OCA2: variants seen among roughly 807,000 people sequenced by gnomAD.
OCA2 encodes the protein P protein.
Under a neutral mutation model 100.2 loss-of-function variants are expected in OCA2, and 77 were observed. The observed-to-expected ratio is 0.77, with a 90% CI of 0.64 to 0.93. OCA2 has a LOEUF of 0.93. Among genes scored for constraint, OCA2 ranks in the 40% least tolerant of loss-of-function variants. The pLI is 0.00. For missense variants in OCA2, 1,062 were observed against 1,089.1 expected, an observed-to-expected ratio of 0.98 and a Z score of 0.35; for synonymous variants, 432 against 439.2, an observed-to-expected ratio of 0.98 and a Z score of 0.21.
intron 2 of OCA2, among the ~76,000 whole-genome samples, chr15:28,049,720 C>T (rs994204967): frequency 6.6e-6 from 1 of 152,122 alleles, no homozygotes; most frequent in African/African-American, 2.4e-5. Flanking sequence ...AGGACAAATG[C>T]TGCATGAGTT....
chr15:28,095,653 G>A (rs2044962644), intron 1 of OCA2, among the ~76,000 whole-genome samples: 1 of 151,574 alleles, frequency 6.6e-6, no homozygotes, highest in Non-Finnish European at 1.5e-5. Flanking sequence ...GGAGGTGGAG[G>A]TGACGGTGAG....
the OCA2 span, among the ~76,000 whole-genome samples, chr15:27,733,915 A>C: frequency 6.6e-6 from 1 of 151,968 alleles, no homozygotes; most frequent in Non-Finnish European, 1.5e-5. Flanking sequence ...TAATCCCAGC[A>C]CTTTGAGAGG....
chr15:27,990,449 C>T, intron 10 of OCA2, 127 bp downstream of exon 10: 1 of 943,716 alleles, frequency 1.1e-6, no homozygotes, highest in Non-Finnish European at 1.7e-6. Context: ...TAGCATGGTT[C>T]TTGGGCAAAA....
At chr15:27,775,916 T>C (rs1300424341) in intron 23 of OCA2, among the ~76,000 whole-genome samples, 1 of 152,232 alleles carries the variant, frequency 6.6e-6, no homozygotes, top group Admixed American at 6.5e-5. Flanking sequence ...CACAGTCACA[T>C]TCTGAGGTGC....
chr15:27,962,805 C>T (rs1020845183), intron 15 of OCA2, among the ~76,000 whole-genome samples: 4 of 152,058 alleles, frequency 2.6e-5, no homozygotes, highest in Admixed American at 6.5e-5. Context: ...TAAATTCAAT[C>T]GCATCACTAA....
chr15:27,876,227 AT>A (rs1192858413), intron 19 of OCA2, among the ~76,000 whole-genome samples: 5 of 152,208 alleles, frequency 3.3e-5, no homozygotes, highest in African/African-American at 1.2e-4. Context: ...AAATGATCAT[AT>A]GGTTTTTCTC....
rs551939130 is a variant in OCA2 at position 28,011,037 on chromosome 15, C to T, written c.1044+3739G>A. Reference sequence around the variant, plus strand: ...CAGAGAGATACCCCACAAATATGTCCGATTAATTTTTAACCAAGGAGCAAA... The same window carrying T: ...CAGAGAGATACCCCACAAATATGTCTGATTAATTTTTAACCAAGGAGCAAA... On this transcript the variant is annotated intron_variant, in intron 9 of 23. Transcript: ENST00000354638. Among the ~76,000 whole-genome samples the T allele has an allele frequency of 6.6e-5, 10 of 152,248 alleles. No individual in the cohort carries two copies. In the South Asian group the frequency reaches 1.5e-3, roughly 22 times the overall value.
At chr15:27,952,396 C>T (rs1484911536) in intron 17 of OCA2, among the ~76,000 whole-genome samples, 2 of 152,336 alleles carry the variant, frequency 1.3e-5, no homozygotes, top group East Asian at 3.9e-4. Context: ...GGAGGGCAGG[C>T]CCCGAGGCAC....
chr15:27,909,927 C>T (rs1010624580), intron 19 of OCA2, among the ~76,000 whole-genome samples: 5 of 151,914 alleles, frequency 3.3e-5, no homozygotes, highest in Admixed American at 6.6e-5. Context: ...TATAAAAAGT[C>T]ACAAAACAAC....
chr15:28,062,909 T>C (rs2043918196), intron 2 of OCA2, among the ~76,000 whole-genome samples: 1 of 152,218 alleles, frequency 6.6e-6, no homozygotes, highest in Non-Finnish European at 1.5e-5. Flanking sequence ...CTTTCATTAA[T>C]CTGTATGTCT....
rs1434496320 is a variant in OCA2, at chr15:27,784,954, AATG to A, written c.2433-29485_2433-29483del. The stretch of plus-strand genomic sequence containing the variant: ...AAATAGCCAAGAATTTGTCAAAATT[AATG>A]ATATCAAACCACAAATCTAAATAGC... On this transcript the variant is annotated intron_variant, in intron 23 of 23. Coordinates refer to ENST00000354638, the MANE Select transcript of OCA2 (RefSeq NM_000275.3). Among the ~76,000 whole-genome samples, 5 of 152,206 alleles carry A rather than the reference AATG, an allele frequency of 3.3e-5. 1 individual carries two copies. The highest frequency in any genetic ancestry group is 2.6e-4 in the Admixed American group (4 of 15,268).
chr15:27,852,944 G>A (rs1333147488), intron 21 of OCA2, among the ~76,000 whole-genome samples: 1 of 79,710 alleles, frequency 1.3e-5, no homozygotes, highest in East Asian at 3.5e-4. Context: ...AGAGGATGTG[G>A]AGAAATAGGA....
chr15:27,895,677 C>A, intron 19 of OCA2: 1 of 195,142 alleles, frequency 5.1e-6, no homozygotes, highest in Non-Finnish European at 1.1e-5. Flanking sequence ...TCTGTTGATC[C>A]ATGGATGGGG....
intron 9 of OCA2, among the ~76,000 whole-genome samples, chr15:28,000,385 T>C (rs2041889545): frequency 6.6e-6 from 1 of 152,200 alleles, no homozygotes; most frequent in Non-Finnish European, 1.5e-5. Flanking sequence ...CTTCAATAAA[T>C]GGTATTGGGA....
At chr15:27,845,653 C>T (rs2035503167) in intron 22 of OCA2, among the ~76,000 whole-genome samples, 1 of 151,864 alleles carries the variant, frequency 6.6e-6, no homozygotes, top group African/African-American at 2.4e-5. Context: ...TCATGAGATC[C>T]AACCCCCCAC....
At chr15:28,098,432 G>A (rs1020634413) in intron 1 of OCA2, among the ~76,000 whole-genome samples, 13 of 152,232 alleles carry the variant, frequency 8.5e-5, no homozygotes, top group African/African-American at 2.9e-4. Flanking sequence ...CAAGCAAACC[G>A]CAGCTGGTTT....
At chr15:28,005,834 C>T (rs2042075663) in intron 9 of OCA2, among the ~76,000 whole-genome samples, 1 of 152,160 alleles carries the variant, frequency 6.6e-6, no homozygotes, top group African/African-American at 2.4e-5. Flanking sequence ...GCCTACTGCA[C>T]CTTTTCAGAA....
chr15:28,049,340 T>C (rs1211976701), intron 2 of OCA2, among the ~76,000 whole-genome samples: 2 of 152,182 alleles, frequency 1.3e-5, no homozygotes, highest in African/African-American at 2.4e-5. Flanking sequence ...GGTGAGTATA[T>C]AGAGAAACCA....
intron 9 of OCA2, among the ~76,000 whole-genome samples, chr15:27,998,160 A>G (rs1290172443): frequency 2.3e-5 from 3 of 129,374 alleles, no homozygotes; most frequent in African/African-American, 7.6e-5. Context: ...TGTCTAAAAT[A>G]CCAAAAACAA....
Sources: gnomAD v4.1 joint callset for allele counts (sites outside exome capture counted in the v4.1 genomes callset) on GRCh38, gnomAD v4.1.1 for gene constraint, MANE v1.5 for transcripts, NCBI Gene and HGNC (gene_info 2026-07-23, HGNC 2026-07-21) for gene names.